Variants in DPP10 observed in about 807,000 individuals in gnomAD.
The protein encoded by DPP10 is dipeptidyl peptidase like 10.
A neutral mutation model predicts 120.9 loss-of-function variants in DPP10; 33 were observed. The observed-to-expected ratio is 0.27, with a 90% CI of 0.21 to 0.37. DPP10 has a LOEUF of 0.37. DPP10 is among the 10% of genes least tolerant of loss of function. The pLI is 1.00. For synonymous variants in DPP10, 337 were observed against 326.1 expected, an observed-to-expected ratio of 1.03 and a Z score of -0.36; for missense variants, 816 against 942.8, an observed-to-expected ratio of 0.87 and a Z score of 1.76.
intron 1 of DPP10, among the ~76,000 whole-genome samples, chr2:114,452,252 G>T (rs1056672441): frequency 7.3e-5 from 11 of 151,720 alleles, no homozygotes; most frequent in African/African-American, 2.7e-4. Flanking sequence ...GGAAATTTCA[G>T]GTGTAGAGAT....
intron 1 of DPP10, among the ~76,000 whole-genome samples, chr2:115,216,707 C>G (rs1425915527): frequency 6.6e-6 from 1 of 152,000 alleles, no homozygotes; most frequent in Non-Finnish European, 1.5e-5. Context: ...ATCACTTGAA[C>G]TCAGGAGGCG....
chr2:115,466,974 T>G (rs2074366255), intron 3 of DPP10, among the ~76,000 whole-genome samples: 1 of 152,136 alleles, frequency 6.6e-6, no homozygotes, highest in African/African-American at 2.4e-5. Context: ...GAGGAAGTAC[T>G]TCTTGGTGAC....
chr2:114,861,627 C>T (rs1041464077), intron 1 of DPP10, among the ~76,000 whole-genome samples: 7 of 152,072 alleles, frequency 4.6e-5, no homozygotes, highest in African/African-American at 1.7e-4. Flanking sequence ...AAACAATAAA[C>T]AATGCCAGAT....
intron 1 of DPP10, among the ~76,000 whole-genome samples, chr2:114,593,157 A>C (rs1691604731): frequency 6.6e-6 from 1 of 152,262 alleles, no homozygotes; most frequent in African/African-American, 2.4e-5. Flanking sequence ...AAATCAAATA[A>C]GTTTAAAAGG....
chr2:114,510,756 T>C (rs910984393), intron 1 of DPP10, among the ~76,000 whole-genome samples: 17 of 151,244 alleles, frequency 1.1e-4, no homozygotes, highest in Admixed American at 1.1e-3. Context: ...TCATTGGTTT[T>C]TCAACTGTTT....
intron 1 of DPP10, among the ~76,000 whole-genome samples, chr2:114,881,397 A>G (rs1691593968): frequency 6.6e-6 from 1 of 152,068 alleles, no homozygotes; most frequent in East Asian, 1.9e-4. Flanking sequence ...GAGCCATTTG[A>G]ACACCTTATC....
chr2:114,967,925 C>G (rs534044026), intron 1 of DPP10, among the ~76,000 whole-genome samples: 1 of 152,028 alleles, frequency 6.6e-6, no homozygotes, highest in African/African-American at 2.4e-5. Flanking sequence ...TCTCAGGCCT[C>G]GACTTAGGCT....
At chr2:115,169,283 C>G (rs920095327) in intron 1 of DPP10, among the ~76,000 whole-genome samples, 1 of 152,124 alleles carries the variant, frequency 6.6e-6, no homozygotes, top group African/African-American at 2.4e-5. Flanking sequence ...CTGGCTCAAG[C>G]TTGAAACCTA....
At chr2:115,064,504 A>G (rs1706680454) in intron 1 of DPP10, 4 of 341,026 alleles carry the variant, frequency 1.2e-5, no homozygotes, top group South Asian at 8.8e-5. Flanking sequence ...ATCTACACAC[A>G]TCTGTTGCCC....
At chr2:114,681,952 A>G (rs1297879787) in intron 1 of DPP10, among the ~76,000 whole-genome samples, 1 of 152,026 alleles carries the variant, frequency 6.6e-6, no homozygotes, top group Admixed American at 6.6e-5. Flanking sequence ...CAGTCTGGGA[A>G]ACTTAGCAAA....
intron 1 of DPP10, among the ~76,000 whole-genome samples, chr2:114,448,750 T>A (rs748756553): frequency 8.5e-5 from 13 of 152,098 alleles, no homozygotes; most frequent in Non-Finnish European, 1.6e-4. Flanking sequence ...ATACTTAGGG[T>A]TATTAAGTAA....
At chr2:114,486,736 G>A (rs927061725) in intron 1 of DPP10, among the ~76,000 whole-genome samples, 6 of 151,946 alleles carry the variant, frequency 3.9e-5, no homozygotes, top group Non-Finnish European at 7.4e-5. Context: ...TTGTGATAAT[G>A]CATGCATATG....
chr2:114,979,334 A>G (rs1048646919), intron 1 of DPP10, among the ~76,000 whole-genome samples: 6 of 152,044 alleles, frequency 3.9e-5, no homozygotes, highest in African/African-American at 1.4e-4. Context: ...TTAAAATTAT[A>G]TGACAGATCC....
intron 1 of DPP10, among the ~76,000 whole-genome samples, chr2:114,846,580 T>G (rs1162465191): frequency 2.1e-5 from 2 of 96,178 alleles, no homozygotes; most frequent in African/African-American, 8.8e-5. Context: ...CAGATTCTGT[T>G]TTTTTTTTTT....
At chr2:115,623,494 A>G (rs1180679669) in intron 5 of DPP10, among the ~76,000 whole-genome samples, 1 of 152,140 alleles carries the variant, frequency 6.6e-6, no homozygotes, top group East Asian at 1.9e-4. Flanking sequence ...TTACATATAT[A>G]TTTATTCGGT....
intron 1 of DPP10, among the ~76,000 whole-genome samples, chr2:115,181,529 T>G (rs1282985941): frequency 1.3e-5 from 2 of 152,168 alleles, no homozygotes; most frequent in Admixed American, 6.5e-5. Context: ...TAGTTTGAAC[T>G]TCTTCATAGC....
At chr2:114,839,787 T>A (rs1002973480) in intron 1 of DPP10, among the ~76,000 whole-genome samples, 1 of 152,188 alleles carries the variant, frequency 6.6e-6, no homozygotes, top group South Asian at 2.1e-4. Flanking sequence ...AGATGCAACG[T>A]CCTTGTTTAT....
At chr2:114,776,174 C>T (rs1681717880) in intron 1 of DPP10, among the ~76,000 whole-genome samples, 1 of 152,180 alleles carries the variant, frequency 6.6e-6, no homozygotes. Flanking sequence ...GCTGCAGATA[C>T]ATCTTAGTTG....
At chr2:115,308,663 G>A (rs1289847044) in intron 1 of DPP10, among the ~76,000 whole-genome samples, 1 of 149,046 alleles carries the variant, frequency 6.7e-6, no homozygotes, top group Non-Finnish European at 1.5e-5. Context: ...TGGTATAGAA[G>A]GACTCATTTA....
Sources: allele counts gnomAD v4.1 joint callset (sites outside exome capture counted in the v4.1 genomes callset), GRCh38; gene constraint gnomAD v4.1.1; transcripts MANE v1.5; gene names NCBI Gene and HGNC (gene_info 2026-07-23, HGNC 2026-07-21).